PVT1: variants seen among roughly 807,000 people sequenced by gnomAD.
PVT1 encodes CXCR4/PVT1 fusion.
Position 127,903,806 on chromosome 8 carries a change from C to T in PVT1, n.782+12808C>T, listed in dbSNP as rs773874189. Among the ~76,000 whole-genome samples, 74 of 152,160 alleles carry T rather than the reference C, an allele frequency of 4.9e-4. 1 individual carries two copies. The highest frequency in any genetic ancestry group is 7.2e-4 in the Admixed American group (11 of 15,288). Reference sequence around the variant, plus strand: ...TGTGTATTTGTTTTTGCACCAGTACCATGCTGTTTGGGTTACTGTAGCCTT... The same window carrying T: ...TGTGTATTTGTTTTTGCACCAGTACTATGCTGTTTGGGTTACTGTAGCCTT... On this transcript the variant is annotated intron_variant and non_coding_transcript_variant, in intron 3 of 10. Coordinates refer to ENST00000651587, the Ensembl canonical transcript of PVT1.
intron 4 of PVT1, among the ~76,000 whole-genome samples, chr8:127,998,845 T>C (rs199605707): frequency 2.7e-4 from 30 of 109,856 alleles, no homozygotes; most frequent in South Asian, 1.4e-3. Context: ...CCTTCCTTCC[T>C]TCCCTCCCTC....
intron 2 of PVT1, among the ~76,000 whole-genome samples, chr8:127,881,668 G>T (rs1815469110): frequency 6.6e-6 from 1 of 151,754 alleles, no homozygotes; most frequent in Non-Finnish European, 1.5e-5. Flanking sequence ...TGTTAGTTAG[G>T]CCGGTCTCGA....
At chr8:127,811,190 T>G (rs1814591021) in intron 2 of PVT1, among the ~76,000 whole-genome samples, 1 of 152,182 alleles carries the variant, frequency 6.6e-6, no homozygotes, top group African/African-American at 2.4e-5. Flanking sequence ...CCCTGGTCCC[T>G]TTTCTCTCCT....
chr8:128,069,011 G>A (rs1813948509), intron 4 of PVT1, among the ~76,000 whole-genome samples: 1 of 152,250 alleles, frequency 6.6e-6, no homozygotes, highest in East Asian at 1.9e-4. Flanking sequence ...TGCACTTCAG[G>A]GCAAATTAGA....
rs530410714 is a variant in PVT1, at chr8:127,956,803, C to T, written n.783-32359C>T. Among the ~76,000 whole-genome samples the T allele has an allele frequency of 2.0e-5, 3 of 152,296 alleles. No individual in the cohort carries two copies. In the South Asian group the frequency reaches 6.2e-4, roughly 32 times the overall value. On this transcript the variant is annotated intron_variant and non_coding_transcript_variant, in intron 3 of 10. Transcript: ENST00000651587. Reference sequence around the variant, plus strand: ...CTGCCAGTTTAATTTTTTTGTAAGTCTCATGTTTCTCTGCAAAACTTGAAA... The same window carrying T: ...CTGCCAGTTTAATTTTTTTGTAAGTTTCATGTTTCTCTGCAAAACTTGAAA...
intron 3 of PVT1, among the ~76,000 whole-genome samples, chr8:127,910,511 C>CCTT (rs778305538): frequency 6.6e-6 from 1 of 152,152 alleles, no homozygotes; most frequent in Non-Finnish European, 1.5e-5. Context: ...TTCTTTATGG[C>CCTT]CTTTCCTTGG....
chr8:127,873,562 T>A (rs989972657), intron 2 of PVT1, among the ~76,000 whole-genome samples: 1 of 152,184 alleles, frequency 6.6e-6, no homozygotes, highest in Non-Finnish European at 1.5e-5. Context: ...TTGCATGGAT[T>A]GTCTCATTTT....
At chr8:127,856,235 GGGTATGCT>G (rs1362110746) in intron 2 of PVT1, among the ~76,000 whole-genome samples, 1 of 152,152 alleles carries the variant, frequency 6.6e-6, no homozygotes. Flanking sequence ...AGGGCTTAGG[GGGTATGCT>G]GGGGTGGCTG....
intron 2 of PVT1, among the ~76,000 whole-genome samples, chr8:127,879,747 C>T (rs59801683): frequency 0.011 from 1,734 of 152,288 alleles, 39 homozygotes; most frequent in African/African-American, 0.039. Context: ...AGAACCAGCA[C>T]TCAGGAAGTG....
intron 4 of PVT1, among the ~76,000 whole-genome samples, chr8:128,039,782 A>G (rs994575588): frequency 2.6e-5 from 4 of 152,194 alleles, no homozygotes; most frequent in African/African-American, 7.2e-5. Context: ...AGACAGACCA[A>G]TCAGGAGGCT....
intron 2 of PVT1, among the ~76,000 whole-genome samples, chr8:127,882,338 C>T (rs1815477882): frequency 6.6e-6 from 1 of 152,150 alleles, no homozygotes; most frequent in African/African-American, 2.4e-5. Flanking sequence ...GAACAGATCT[C>T]CCCGATTTAT....
At chr8:127,866,613 G>C (rs1178439464) in intron 2 of PVT1, among the ~76,000 whole-genome samples, 1 of 152,206 alleles carries the variant, frequency 6.6e-6, no homozygotes, top group African/African-American at 2.4e-5. Flanking sequence ...GGGGATAGGA[G>C]ATGGAGAGAG....
At chr8:128,024,621 T>C (rs1277091569) in intron 4 of PVT1, among the ~76,000 whole-genome samples, 1 of 151,592 alleles carries the variant, frequency 6.6e-6, no homozygotes, top group Admixed American at 6.6e-5. Flanking sequence ...AGTAAGACCC[T>C]GTCTCAAAAA....
At chr8:127,895,530 G>T (rs770903509) in intron 3 of PVT1, among the ~76,000 whole-genome samples, 13 of 151,956 alleles carry the variant, frequency 8.6e-5, no homozygotes, top group Non-Finnish European at 1.9e-4. Context: ...TTTATTATGA[G>T]AATTAAATAA....
rs33932004 is a variant in PVT1 at position 127,922,276 on chromosome 8, A to ACC, written n.782+31288_782+31289dup. ...CTTTATTTCTTTTTCCAAGATACCC[A>ACC]CCCCCCCCCCCACCAAGGAGGGCTA... On this transcript the variant is annotated intron_variant and non_coding_transcript_variant, in intron 3 of 10. Transcript: ENST00000651587. 4.6e-4 allele frequency among the ~76,000 whole-genome samples: 52 copies of ACC among 112,252 alleles called. 1 individual carries two copies. The highest frequency in any genetic ancestry group is 1.5e-3 in the African/African-American group (44 of 28,598). The allele number at this position is 112,252 out of a possible 152,430, so 73.6% of individuals were successfully genotyped here.
chr8:127,998,626 C>A lies in PVT1; in HGVS notation n.912+9335C>A, dbSNP rs540433616. Among the ~76,000 whole-genome samples, 5 of 146,706 alleles carry A rather than the reference C, an allele frequency of 3.4e-5. No homozygotes were observed. The South Asian group carries it at 1.1e-3, about 32-fold the overall frequency. The stretch of plus-strand genomic sequence containing the variant: ...CTTTTCTTTCCTTCCTTCCTCCCTC[C>A]CTCACTCCCTCCTTCCTTCCTTTTT... On this transcript the variant is annotated intron_variant and non_coding_transcript_variant, in intron 4 of 10. Transcript: ENST00000651587.
At chr8:128,080,790 G>A (rs755229920) in intron 5 of PVT1, among the ~76,000 whole-genome samples, 8 of 152,060 alleles carry the variant, frequency 5.3e-5, no homozygotes, top group African/African-American at 1.4e-4. Flanking sequence ...TGCCATACTC[G>A]AGGTCATCTA....
chr8:128,012,841 G>A (rs2130038817), intron 4 of PVT1, among the ~76,000 whole-genome samples: 2 of 152,130 alleles, frequency 1.3e-5, no homozygotes, highest in Admixed American at 1.3e-4. Context: ...CACTCCCACC[G>A]TACTCCAGAG....
intron 2 of PVT1, among the ~76,000 whole-genome samples, chr8:127,856,853 G>A (rs1159002819): frequency 6.6e-6 from 1 of 152,204 alleles, no homozygotes; most frequent in African/African-American, 2.4e-5. Context: ...TCTCCTAACC[G>A]CTATGCCTGG....
Sources: gnomAD v4.1 joint callset for allele counts (sites outside exome capture counted in the v4.1 genomes callset) on GRCh38, gnomAD v4.1.1 for gene constraint, MANE v1.5 for transcripts, NCBI Gene and HGNC (gene_info 2026-07-23, HGNC 2026-07-21) for gene names.